OVOL2: variants seen among roughly 807,000 people sequenced by gnomAD.
OVOL2 encodes the protein transcription factor Ovo-like 2.
OVOL2 carries 13 observed loss-of-function variants against 18.1 expected under a neutral mutation model. The observed-to-expected ratio is 0.72, with a 90% CI of 0.47 to 1.14. The LOEUF (loss-of-function observed/expected upper bound fraction) is 1.14. Ranked by LOEUF, OVOL2 falls within the 50% of genes most tolerant of loss-of-function variation. The pLI, the probability that OVOL2 is intolerant of heterozygous loss-of-function variation, is 0.00. For synonymous variants in OVOL2, 166 were observed against 162.7 expected, an observed-to-expected ratio of 1.02 and a Z score of -0.16; for missense variants, 335 against 383.0, an observed-to-expected ratio of 0.87 and a Z score of 1.05.
intron 2 of OVOL2, among the ~76,000 whole-genome samples, chr20:18,044,194 T>C (rs1219143624): frequency 6.6e-6 from 1 of 152,222 alleles, no homozygotes; most frequent in Admixed American, 6.5e-5. Context: ...TAGGGTCTGA[T>C]GTGCTGCATT....
upstream of OVOL2, among the ~76,000 whole-genome samples, chr20:18,058,549 G>T (rs2036851876): frequency 6.8e-6 from 1 of 147,964 alleles, no homozygotes; most frequent in South Asian, 2.2e-4. Context: ...TGCACCCCCC[G>T]AGAGCCCCCT....
intron 2 of OVOL2, among the ~76,000 whole-genome samples, chr20:18,049,274 C>T (rs1383479876): frequency 6.6e-6 from 1 of 152,214 alleles, no homozygotes; most frequent in East Asian, 1.9e-4. Flanking sequence ...GGAGTCAGGG[C>T]CTTCGGCTGG....
intron 2 of OVOL2, among the ~76,000 whole-genome samples, 178 bp from the exon 3 acceptor site, chr20:18,041,901 CCCT>C (rs1568636374): frequency 1.5e-5 from 2 of 137,120 alleles, no homozygotes; most frequent in Non-Finnish European, 1.5e-5. Context: ...GTTCCTCCCA[CCCT>C]TTTTTTTTTT....
rs184758499 is a variant in OVOL2, at chr20:18,056,025, C to T, written c.321+632G>A. Among the ~76,000 whole-genome samples the T allele has an allele frequency of 2.9e-3, 438 of 152,276 alleles. 1 individual carries two copies. Among genetic ancestry groups the T allele is most frequent in the Admixed American group, 5.2e-3 (79 of 15,292 alleles). ...ACACTCCAATCCACTGGGGTAGGGG[C>T]GCTCGAGAAATCTGTAGTTGAACCC... is the stretch of plus-strand genomic sequence containing the variant. On this transcript the variant is annotated intron_variant, in intron 2 of 3. Coordinates refer to ENST00000278780, the MANE Select transcript of OVOL2 (RefSeq NM_021220.4). The surrounding 1 kb of genome is among the most constrained non-coding windows in gnomAD (Gnocchi z 4.2).
In OVOL2 at chr20:18,024,229, A is replaced by T. The variant is rs564252692; in HGVS notation, c.*407T>A. ...AATAGTTTCTGTAAACTCTTTCAGAATAACAAAATTCACTTGCCTTGCTTA... is the reference window on the plus strand; with the variant it reads ...AATAGTTTCTGTAAACTCTTTCAGATTAACAAAATTCACTTGCCTTGCTTA... On this transcript the variant is annotated 3_prime_UTR_variant, in exon 4 of 4. Transcript: ENST00000278780. The T allele has an allele frequency of 6.0e-6, 1 of 167,622 alleles. No homozygotes were observed. Among genetic ancestry groups the T allele is most frequent in the East Asian group, 1.6e-4 (1 of 6,142 alleles). 10.4% of individuals were successfully genotyped at this position (167,622 alleles called of 1,614,324 possible).
At chr20:18,053,859 C>A (rs2036793044) in intron 2 of OVOL2, among the ~76,000 whole-genome samples, 3 of 152,158 alleles carry the variant, frequency 2.0e-5, no homozygotes, top group Non-Finnish European at 4.4e-5. Context: ...ACCGCCAACT[C>A]TCTCCCTGAC....
chr20:18,035,351 G>C (rs2036607129), intron 3 of OVOL2, among the ~76,000 whole-genome samples: 1 of 152,194 alleles, frequency 6.6e-6, no homozygotes, highest in South Asian at 2.1e-4. Context: ...CAGCTACCTG[G>C]GAGGCTGAGG....
chr20:18,042,952 A>T (rs1055892753), intron 2 of OVOL2, among the ~76,000 whole-genome samples: 4 of 152,140 alleles, frequency 2.6e-5, no homozygotes, highest in Non-Finnish European at 5.9e-5. Flanking sequence ...CATGAGCCAT[A>T]AACCTCTTCT....
intron 3 of OVOL2, among the ~76,000 whole-genome samples, chr20:18,032,393 GAA>G (rs11467680): frequency 0.028 from 4,229 of 151,224 alleles, 186 homozygotes; most frequent in African/African-American, 0.093. Flanking sequence ...AGGAAGGAAG[GAA>G]GGGAGGAAGG....
rs1157916299 is a variant in OVOL2, at chr20:18,056,685, T to G, written c.293A>C (p.Gln98Pro). 4.9e-6 allele frequency: 7 copies of G among 1,437,878 alleles called. No homozygotes were observed. The East Asian group carries it at 2.0e-4, about 42-fold the overall frequency. 89.1% of individuals were successfully genotyped at this position (1,437,878 alleles called of 1,614,324 possible). A position where few individuals can be genotyped will look rare whatever the true frequency, so the allele number is the denominator to read the frequency against. Residue 98 changes from glutamine (Q) to proline (P), a missense_variant, in exon 2 of 4, where the codon CAG (glutamine) becomes CCG (proline). Transcript: ENST00000278780. The surrounding 1 kb of genome is among the most constrained non-coding windows in gnomAD (Gnocchi z 4.2). Reference sequence around the variant, plus strand: ...GATTTTCGATCTGGCGACCGGGCGCTGCTTGGTCGCCAGGTGTCCATCGGG... The same window carrying G: ...GATTTTCGATCTGGCGACCGGGCGCGGCTTGGTCGCCAGGTGTCCATCGGG... ...EGPDGHLATK[Q>P]RPVARSKIKF...
rs749206592 is a variant in OVOL2, at chr20:18,041,564, C to T, written c.481G>A (p.Asp161Asn). The change falls in exon 3 of 4, where the codon GAC becomes AAC. Residue 161 changes from aspartate to asparagine, a missense_variant. By Grantham distance (23) the Asp-to-Asn change is conservative. Transcript: ENST00000278780. Reference protein sequence around the residue: ...FCGKGFNDTFDLKRHVRTHTG... With the variant: ...FCGKGFNDTFNLKRHVRTHTG... ...TGTGTGCGGACGTGCCTCTTCAGGT[C>T]GAAGGTGTCGTTGAAGCCCTTGCCG... 5 of 1,613,840 alleles carry T rather than the reference C, an allele frequency of 3.1e-6. No homozygotes were observed. The Admixed American group carries it at 5.0e-5, about 16-fold the overall frequency.
At position 18,056,708 on chromosome 20, in the gene OVOL2, G is replaced by A; in HGVS notation, c.270C>T (p.Pro90=). The A allele has an allele frequency of 6.9e-7, 1 of 1,459,474 alleles. No homozygotes were observed. Among genetic ancestry groups the A allele is most frequent in the Non-Finnish European group, 9.0e-7 (1 of 1,111,504 alleles). The allele number at this position is 1,459,474 out of a possible 1,614,324, so 90.4% of individuals were successfully genotyped here. Residue 90 remains proline, a synonymous_variant, in exon 2 of 4, where the codon CCC becomes CCT. Transcript: ENST00000278780. This position sits in a 1 kb window ranked among gnomAD's most constrained non-coding sequence, Gnocchi z 4.2. ...GCTGCTTGGTCGCCAGGTGTCCATC[G>A]GGGCCCTCGGCGTCGCCGGGCTCGG... ...ETPEPGDAEG[P]DGHLATKQRP... is the part of the protein sequence containing the mutation.
chr20:18,024,683 C>A lies in OVOL2; in HGVS notation c.781G>T (p.Ala261Ser), dbSNP rs201168519. 3.7e-6 allele frequency: 6 copies of A among 1,613,788 alleles called. No individual in the cohort carries two copies. In the Middle Eastern group the frequency reaches 6.6e-4, roughly 178 times the overall value. ...AALLQGKLTSAHQENTSLSEE... is the reference protein window; with the variant it reads ...AALLQGKLTSSHQENTSLSEE... ...CTCAGGCTGGTATTCTCCTGGTGTG[C>A]GGATGTCAGCTTGCCCTGCAGAAGG... The change falls in exon 4 of 4, where the codon GCA becomes TCA. Residue 261 changes from alanine (A) to serine (S), a missense_variant. Ala to Ser is a moderately conservative substitution (Grantham distance 99, BLOSUM62 1). Coordinates refer to ENST00000278780, the MANE Select transcript of OVOL2 (RefSeq NM_021220.4).
intron 3 of OVOL2, among the ~76,000 whole-genome samples, chr20:18,034,671 A>C (rs1481838779): frequency 3.2e-4 from 45 of 141,948 alleles, no homozygotes; most frequent in African/African-American, 8.9e-4. Flanking sequence ...ACACACACAC[A>C]CCCCTCCGAT....
chr20:18,041,329 A>AT (rs965869564), intron 3 of OVOL2, among the ~76,000 whole-genome samples: 1 of 151,890 alleles, frequency 6.6e-6, no homozygotes, highest in Admixed American at 6.6e-5. Flanking sequence ...CGCCCAGCTA[A>AT]TTTTTTTGTA....
At chr20:18,041,416 A>G (rs1235896360) in intron 3 of OVOL2, 118 bp downstream of exon 3, 2 of 1,238,614 alleles carry the variant, frequency 1.6e-6, no homozygotes, top group African/African-American at 3.1e-5. Flanking sequence ...GCATCTTGTG[A>G]TCTTTCTAGA....
intron 2 of OVOL2, among the ~76,000 whole-genome samples, chr20:18,049,929 CT>C (rs1365688072): frequency 6.6e-6 from 1 of 152,188 alleles, no homozygotes; most frequent in African/African-American, 2.4e-5. Context: ...GGCTGACATA[CT>C]GGACAGTACA....
At chr20:18,040,203 C>A (rs1381097540) in intron 3 of OVOL2, among the ~76,000 whole-genome samples, 1 of 152,174 alleles carries the variant, frequency 6.6e-6, no homozygotes, top group Admixed American at 6.5e-5. Context: ...GGATTACGAG[C>A]AGGAGCCACT....
intron 3 of OVOL2, among the ~76,000 whole-genome samples, chr20:18,040,599 A>G (rs2036659406): frequency 6.6e-6 from 1 of 152,156 alleles, no homozygotes; most frequent in Non-Finnish European, 1.5e-5. Context: ...GCGGGAAAGC[A>G]TGGAGGCCAG....
Sources: allele counts gnomAD v4.1 joint callset (sites outside exome capture counted in the v4.1 genomes callset), GRCh38; gene constraint gnomAD v4.1.1; non-coding constraint Gnocchi (gnomAD v3.1); transcripts MANE v1.5; gene names NCBI Gene and HGNC (gene_info 2026-07-23, HGNC 2026-07-21).